The following PPP2R1B variants were observed in gnomAD, a reference collection of about 807,000 sequenced individuals.
PPP2R1B encodes the protein protein phosphatase 2 scaffold subunit Abeta.
A neutral mutation model predicts 72.7 loss-of-function variants in PPP2R1B; 58 were observed. The observed-to-expected ratio is 0.80, with a 90% CI of 0.65 to 0.99. The LOEUF (loss-of-function observed/expected upper bound fraction) is 0.99, where lower values mean the gene tolerates loss of function less well. Among genes scored for constraint, PPP2R1B ranks in the 50% least tolerant of loss-of-function variants. The probability of loss-of-function intolerance (pLI) is 0.00; values close to 1 mark genes in which losing one functional copy is unlikely to be tolerated. For synonymous variants in PPP2R1B, 256 were observed against 264.6 expected (o/e 0.97, Z 0.32); for missense variants, 695 against 733.6 (o/e 0.95, Z 0.61).
intron 9 of PPP2R1B, among the ~76,000 whole-genome samples, chr11:111,752,931 C>G (rs1272179058): frequency 1.3e-5 from 2 of 151,998 alleles, no homozygotes; most frequent in African/African-American, 4.8e-5. Context: ...CCACTGCACT[C>G]CAGCCTGGGC....
chr11:111,736,804 T>A (rs1473302381), downstream of PPP2R1B, among the ~76,000 whole-genome samples: 1 of 152,184 alleles, frequency 6.6e-6, no homozygotes, highest in Non-Finnish European at 1.5e-5. Flanking sequence ...AATGTCAGAT[T>A]TTTCCCCATG....
intron 11 of PPP2R1B, among the ~76,000 whole-genome samples, chr11:111,745,005 A>C (rs1591683181): frequency 6.7e-6 from 1 of 148,724 alleles, no homozygotes; most frequent in Non-Finnish European, 1.5e-5. Flanking sequence ...TGTCCTCCCC[A>C]CTAAAGAGGA....
chr11:111,723,907 C>A, downstream of PPP2R1B: 1 of 1,613,646 alleles, frequency 6.2e-7, no homozygotes, highest in African/African-American at 1.3e-5. Context: ...AGCTGCCAAG[C>A]GCTGCTTCCC....
chr11:111,721,774 T>C, the PPP2R1B span: 2 of 1,395,504 alleles, frequency 1.4e-6, no homozygotes, highest in Non-Finnish European at 2.0e-6. Flanking sequence ...AGCTAAGAAC[T>C]GAGACGTTTT....
At chr11:111,713,095 G>A in the PPP2R1B span, among the ~76,000 whole-genome samples, 52 of 152,160 alleles carry the variant, frequency 3.4e-4, no homozygotes, top group Admixed American at 3.4e-3. Context: ...AGCCCAGGGG[G>A]CCGAGGTGGC....
At chr11:111,719,726 C>T in the PPP2R1B span, 1 of 1,550,558 alleles carries the variant, frequency 6.4e-7, no homozygotes, top group Non-Finnish European at 8.8e-7. Flanking sequence ...GTGGATTTTT[C>T]TGTCTCAGCA....
Position 111,741,515 on chromosome 11 carries a change from C to A in PPP2R1B, c.*81G>T. ...GATGAGATCTTGAAGGTTTTCCATT[C>A]TTTCTCCACCCAGTTAAGAACACAT... On this transcript the variant is annotated 3_prime_UTR_variant, in exon 15 of 15. Coordinates refer to ENST00000527614, the MANE Select transcript of PPP2R1B (RefSeq NM_002716.5). The A allele has an allele frequency of 1.3e-6, 2 of 1,563,642 alleles. No individual in the cohort carries two copies. Among genetic ancestry groups the A allele is most frequent in the Non-Finnish European group, 1.7e-6 (2 of 1,160,828 alleles).
At chr11:111,742,885 T>G (rs1295099687) in intron 12 of PPP2R1B, among the ~76,000 whole-genome samples, 1 of 140,580 alleles carries the variant, frequency 7.1e-6, no homozygotes, top group Non-Finnish European at 1.6e-5. Flanking sequence ...TTGTTCTTTG[T>G]TTTTTTTTTT....
At chr11:111,703,095 T>C in the PPP2R1B span, 3 of 894,894 alleles carry the variant, frequency 3.4e-6, no homozygotes, top group Non-Finnish European at 5.2e-6. Context: ...TGCTTTCCAG[T>C]AGAGGATACA....
chr11:111,727,346 A>G (rs1164405153), intron 15 of PPP2R1B: 4 of 463,856 alleles, frequency 8.6e-6, no homozygotes, highest in African/African-American at 7.7e-5. Context: ...GGAAAGAAAA[A>G]GTCAGTGGCC....
At chr11:111,757,573 C>T (rs1591705542) in intron 5 of PPP2R1B, among the ~76,000 whole-genome samples, 1 of 152,214 alleles carries the variant, frequency 6.6e-6, no homozygotes, top group Middle Eastern at 3.4e-3. Flanking sequence ...CAGTGGCTCA[C>T]ACCTGTAATC....
intron 15 of PPP2R1B, chr11:111,727,538 T>C (rs2135991529): frequency 6.0e-6 from 1 of 167,042 alleles, no homozygotes. Flanking sequence ...ACCCCCCCTG[T>C]AGGAGTATCG....
At chr11:111,699,622 G>A in the PPP2R1B span, among the ~76,000 whole-genome samples, 1 of 152,150 alleles carries the variant, frequency 6.6e-6, no homozygotes, top group African/African-American at 2.4e-5. Context: ...TAATAATGGG[G>A]ATTGTTACTG....
the PPP2R1B span, among the ~76,000 whole-genome samples, chr11:111,719,051 T>C: frequency 1.3e-5 from 2 of 152,326 alleles, no homozygotes; most frequent in African/African-American, 2.4e-5. Flanking sequence ...ATAACGTATA[T>C]GTTGCTGGAG....
chr11:111,751,102 G>C (rs782350054), intron 10 of PPP2R1B, among the ~76,000 whole-genome samples: 2 of 152,152 alleles, frequency 1.3e-5, no homozygotes, highest in Non-Finnish European at 2.9e-5. Flanking sequence ...GGCTCCCAAA[G>C]TGCTGGGTTT....
At chr11:111,755,222 A>G in intron 6 of PPP2R1B, 73 bp downstream of exon 6, 1 of 1,544,352 alleles carries the variant, frequency 6.5e-7, no homozygotes, top group East Asian at 2.3e-5. Flanking sequence ...ATTAATTCAG[A>G]AACTTTGGGT....
chr11:111,747,817 A>T, intron 11 of PPP2R1B, 137 bp downstream of exon 11: 1 of 695,268 alleles, frequency 1.4e-6, no homozygotes, highest in Non-Finnish European at 2.2e-6. Flanking sequence ...TCAGAAGATT[A>T]AACTTTAATT....
chr11:111,723,870 C>T (rs1565399815), downstream of PPP2R1B: 1 of 1,613,834 alleles, frequency 6.2e-7, no homozygotes, highest in Non-Finnish European at 8.5e-7. Context: ...GCCCCAGCCC[C>T]CTTACAGTTC....
intron 11 of PPP2R1B, among the ~76,000 whole-genome samples, chr11:111,747,486 T>C (rs191277118): frequency 6.6e-6 from 1 of 152,306 alleles, no homozygotes; most frequent in African/African-American, 2.4e-5. Flanking sequence ...AGCTAGTGTT[T>C]CCCACACCTA....
Sources: gnomAD v4.1 joint callset for allele counts (sites outside exome capture counted in the v4.1 genomes callset) on GRCh38, gnomAD v4.1.1 for gene constraint, MANE v1.5 for transcripts, NCBI Gene and HGNC (gene_info 2026-07-23, HGNC 2026-07-21) for gene names.